The following TRPM3 variants were observed in gnomAD, a reference collection of about 807,000 sequenced individuals.
TRPM3 encodes long transient receptor potential channel 3.
In TRPM3, 77 loss-of-function variants were observed where a neutral mutation model predicts 181.2. The ratio of observed to expected loss-of-function variants is 0.42; its 90% CI spans 0.35 to 0.51. The LOEUF (loss-of-function observed/expected upper bound fraction) is 0.51, where lower values mean the gene tolerates loss of function less well. Among genes scored for constraint, TRPM3 ranks in the 20% least tolerant of loss-of-function variants. The pLI is 0.01. For synonymous variants in TRPM3, 745 were observed against 796.4 expected (o/e 0.94, Z 1.09); for missense variants, 1,759 against 2,196.7 (o/e 0.80, Z 3.98).
intron 4 of TRPM3, among the ~76,000 whole-genome samples, chr9:70,845,962 C>G (rs980868605): frequency 6.6e-6 from 1 of 152,136 alleles, no homozygotes; most frequent in African/African-American, 2.4e-5. Context: ...GCCTTTATGT[C>G]CCAGATGGAA....
intron 1 of TRPM3, among the ~76,000 whole-genome samples, chr9:71,261,062 T>G (rs1462108651): frequency 1.3e-5 from 2 of 152,186 alleles, no homozygotes; most frequent in African/African-American, 4.8e-5. Flanking sequence ...CTTGCTAGGT[T>G]GGGGAAGTTC....
At chr9:71,396,227 C>G (rs1168884983) in intron 1 of TRPM3, among the ~76,000 whole-genome samples, 1 of 151,202 alleles carries the variant, frequency 6.6e-6, no homozygotes. Context: ...GAATGGTAAA[C>G]TGCTTTCAAG....
intron 1 of TRPM3, among the ~76,000 whole-genome samples, chr9:71,239,192 T>A (rs2081529130): frequency 6.6e-6 from 1 of 152,180 alleles, no homozygotes; most frequent in Non-Finnish European, 1.5e-5. Flanking sequence ...TTTAGTGATA[T>A]AATTTCCCAA....
intron 1 of TRPM3, among the ~76,000 whole-genome samples, chr9:71,187,855 C>G (rs1021165689): frequency 6.6e-6 from 1 of 151,556 alleles, no homozygotes; most frequent in African/African-American, 2.4e-5. Flanking sequence ...CTGCAACTCT[C>G]TGAACATATC....
At chr9:71,289,875 C>CAAAAAAAAAAAAAAAAAAAAAA in intron 1 of TRPM3, among the ~76,000 whole-genome samples, 1 of 39,792 alleles carries the variant, frequency 2.5e-5, no homozygotes, top group East Asian at 1.2e-3. Context: ...GACTCTGTCT[C>CAAAAAAAAAAAAAAAAAAAAAA]AAAAAAAAAA....
chr9:71,104,318 T>C (rs540803049), intron 1 of TRPM3, among the ~76,000 whole-genome samples: 1 of 152,328 alleles, frequency 6.6e-6, no homozygotes, highest in African/African-American at 2.4e-5. Context: ...CTTCAGATAG[T>C]TAAATGTATA....
intron 22 of TRPM3, among the ~76,000 whole-genome samples, chr9:70,588,039 G>A (rs1464822291): frequency 6.6e-6 from 1 of 152,110 alleles, no homozygotes; most frequent in Non-Finnish European, 1.5e-5. Flanking sequence ...TCTCCACAGA[G>A]AACTTAGATT....
Position 71,173,263 on chromosome 9 carries a change from T to C in TRPM3, c.183+273390A>G, listed in dbSNP as rs868686876. 8.5e-5 allele frequency among the ~76,000 whole-genome samples: 13 copies of C among 152,242 alleles called. No homozygotes were observed. The Middle Eastern group carries it at 0.017, about 199-fold the overall frequency. On this transcript the variant is annotated intron_variant, in intron 1 of 24. Coordinates refer to the TRPM3 transcript ENST00000357533. The stretch of plus-strand genomic sequence containing the variant: ...ATATCACCAATTGCTTTACATTATA[T>C]AATTATATATATTAACAATATATGA...
chr9:71,265,623 G>A (rs1270007866), intron 1 of TRPM3, among the ~76,000 whole-genome samples: 1 of 152,140 alleles, frequency 6.6e-6, no homozygotes, highest in Non-Finnish European at 1.5e-5. Flanking sequence ...GTTCTCAAGA[G>A]TTGTTCAAGC....
intron 5 of TRPM3, 175 bp downstream of exon 5, chr9:70,842,828 A>C: frequency 1.6e-6 from 1 of 633,256 alleles, no homozygotes; most frequent in Non-Finnish European, 2.5e-6. Context: ...GAGTTTGCCT[A>C]GAGATTTTAG....
intron 1 of TRPM3, among the ~76,000 whole-genome samples, chr9:71,258,172 A>T: frequency 6.6e-6 from 1 of 152,236 alleles, no homozygotes; most frequent in African/African-American, 2.4e-5. Flanking sequence ...TTTATGTACC[A>T]GGCTCTTTGC....
At chr9:70,904,050 T>G (rs1180012765) in intron 1 of TRPM3, among the ~76,000 whole-genome samples, 1 of 152,056 alleles carries the variant, frequency 6.6e-6, no homozygotes, top group African/African-American at 2.4e-5. Flanking sequence ...TGGCGAAACC[T>G]ATCTCTACAA....
intron 9 of TRPM3, among the ~76,000 whole-genome samples, chr9:70,642,126 CAG>C (rs1392833254): frequency 6.6e-6 from 1 of 152,158 alleles, no homozygotes; most frequent in Non-Finnish European, 1.5e-5. Flanking sequence ...TTCCTCAGCT[CAG>C]AGTTTTTAAA....
chr9:70,655,100 G>A (rs1215710948), intron 9 of TRPM3, among the ~76,000 whole-genome samples: 3 of 150,628 alleles, frequency 2.0e-5, no homozygotes, highest in Admixed American at 6.6e-5. Context: ...AAGGTCAGGA[G>A]TTCGAGACCA....
intron 1 of TRPM3, among the ~76,000 whole-genome samples, chr9:71,132,612 G>T (rs2074442798): frequency 6.6e-6 from 1 of 151,992 alleles, no homozygotes; most frequent in Admixed American, 6.6e-5. Context: ...TGATTGTTTT[G>T]TACATTAGGA....
At chr9:71,429,255 A>C (rs2093920908) in intron 1 of TRPM3, among the ~76,000 whole-genome samples, 1 of 152,158 alleles carries the variant, frequency 6.6e-6, no homozygotes, top group South Asian at 2.1e-4. Flanking sequence ...AAAAAATAAT[A>C]ATAAAAGAAT....
intron 1 of TRPM3, among the ~76,000 whole-genome samples, chr9:70,889,310 T>G: frequency 6.6e-6 from 1 of 152,212 alleles, no homozygotes; most frequent in East Asian, 1.9e-4. Context: ...AAGTTGATTC[T>G]TTTGAGAAGT....
chr9:71,003,616 G>T (rs1013377813), intron 1 of TRPM3, among the ~76,000 whole-genome samples: 16 of 152,090 alleles, frequency 1.1e-4, no homozygotes, highest in African/African-American at 3.9e-4. Flanking sequence ...TTGATCTTTT[G>T]AATTTTTACC....
Position 71,198,546 on chromosome 9 carries a change from A to C in TRPM3, c.183+248107T>G, listed in dbSNP as rs566951461. ...ATTTCTTTGTATCCTCTTTTATTTC[A>C]TTGAGCAGTAGTTTGTAGTTCTCCT... On this transcript the variant is annotated intron_variant, in intron 1 of 24. Transcript: ENST00000357533. 6.6e-4 allele frequency among the ~76,000 whole-genome samples: 100 copies of C among 152,034 alleles called. 1 individual carries two copies. Among genetic ancestry groups the C allele is most frequent in the East Asian group, 3.9e-3 (20 of 5,158 alleles).
Sources: gnomAD v4.1 joint callset for allele counts (sites outside exome capture counted in the v4.1 genomes callset) on GRCh38, gnomAD v4.1.1 for gene constraint, MANE v1.5 for transcripts, NCBI Gene and HGNC (gene_info 2026-07-23, HGNC 2026-07-21) for gene names.